NOTCH4: variants seen among roughly 807,000 people sequenced by gnomAD.
The protein encoded by NOTCH4 is notch receptor 4.
A neutral mutation model predicts 189.0 loss-of-function variants in NOTCH4; 138 were observed. The ratio of observed to expected loss-of-function variants is 0.73; its 90% CI spans 0.64 to 0.84. NOTCH4 has a LOEUF of 0.84. Ranked by LOEUF, NOTCH4 falls within the 40% of genes least tolerant of loss-of-function variation. The pLI is 0.00. For missense variants in NOTCH4, 2,286 were observed against 2,605.4 expected (o/e 0.88, Z 2.67); for synonymous variants, 942 against 1,032.8 (o/e 0.91, Z 1.69).
chr6:32,221,035 T>C lies in NOTCH4; in HGVS notation c.742A>G (p.Thr248Ala), dbSNP rs754400614. 8.7e-6 allele frequency: 14 copies of C among 1,610,148 alleles called. No homozygotes were observed. In the Admixed American group the frequency reaches 2.3e-4, roughly 27 times the overall value. Reference sequence around the variant, plus strand: ...TCTTTCTCTGGCATCAGCTGGCAGGTGCCCCCATTCGAACAGCCCCTAGGA... The same window carrying C: ...TCTTTCTCTGGCATCAGCTGGCAGGCGCCCCCATTCGAACAGCCCCTAGGA... ...CPPRGCSNGG[T>A]CQLMPEKDST... Residue 248 changes from threonine (T) to alanine (A), a missense_variant, in exon 4 of 30, where the codon ACC becomes GCC. This residue lies in a region of NOTCH4 where 1,903 missense variants were observed against 2,261.9 expected (regional missense o/e 0.84). Coordinates refer to ENST00000375023, the MANE Select transcript of NOTCH4 (RefSeq NM_004557.4). This position sits in a 1 kb window ranked among gnomAD's most constrained non-coding sequence, Gnocchi z 4.3.
Position 32,202,555 on chromosome 6 carries a change from G to T in NOTCH4, c.3276C>A (p.Gly1092=). The change falls in exon 21 of 30, where the codon GGC becomes GGA. Residue 1092 remains glycine, a synonymous_variant. Transcript: ENST00000375023. This position sits in a 1 kb window ranked among gnomAD's most constrained non-coding sequence, Gnocchi z 5.7. ...PTCSHRAPSC[G]FHHCHHGGLC... is the part of the protein sequence containing the mutation. ...GGCCTCCGTGGTGGCAGTGATGGAA[G>T]CCGCAGGAAGGGGCCCTGTGGCTGC... 1 of 1,604,550 alleles carries T rather than the reference G, an allele frequency of 6.2e-7. No homozygotes were observed. The highest frequency in any genetic ancestry group is 8.5e-7 in the Non-Finnish European group (1 of 1,173,324).
chr6:32,201,287 C>G lies in NOTCH4; in HGVS notation c.3969G>C (p.Leu1323=), dbSNP rs1295325827. 6.2e-7 allele frequency: 1 copy of G among 1,613,050 alleles called. No homozygotes were observed. Among genetic ancestry groups the G allele is most frequent in the Non-Finnish European group, 8.5e-7 (1 of 1,180,020 alleles). The change falls in exon 22 of 30, where the codon CTG becomes CTC. Residue 1323 remains leucine, a synonymous_variant. Transcript: ENST00000375023. This position sits in a 1 kb window ranked among gnomAD's most constrained non-coding sequence, Gnocchi z 5.5. ...CCTTCCTTACCCAGAGTCCTACCCT[C>G]AGAGTCAGGGACAGCACCCGGGCCA... ...FALARVLSLT[L]RVGLWVRKDR...
In NOTCH4 at chr6:32,222,553, C is replaced by T. The variant is rs1789846976; in HGVS notation, c.409G>A (p.Ala137Thr). 1.3e-6 allele frequency: 2 copies of T among 1,575,552 alleles called. No homozygotes were observed. The highest frequency in any genetic ancestry group is 2.0e-5 in the Admixed American group (1 of 50,802). ...CAGGAGCACTGTGGGCGGCCCGAGGCCTGGATGTGGCAGCGGCCCCTTTTG... is the reference window on the plus strand; with the variant it reads ...CAGGAGCACTGTGGGCGGCCCGAGGTCTGGATGTGGCAGCGGCCCCTTTTG... ...CSKRGRCHIQ[A>T]SGRPQCSCMP... Residue 137 changes from alanine to threonine, a missense_variant, in exon 3 of 30, where the codon GCC (alanine) becomes ACC (threonine). By Grantham distance (58) the Ala-to-Thr change is moderately conservative. Coordinates refer to ENST00000375023, the MANE Select transcript of NOTCH4 (RefSeq NM_004557.4).
intron 18 of NOTCH4, among the ~76,000 whole-genome samples, chr6:32,209,661 C>T (rs759008863): frequency 6.6e-6 from 1 of 152,030 alleles, no homozygotes; most frequent in Non-Finnish European, 1.5e-5. Context: ...GCGGGTGGAT[C>T]ACTTTAGGTC....
chr6:32,217,814 A>G lies in NOTCH4; in HGVS notation c.1624+181T>C, dbSNP rs553131105. On this transcript the variant is annotated intron_variant, in intron 9 of 29. Coordinates refer to ENST00000375023, the MANE Select transcript of NOTCH4 (RefSeq NM_004557.4). This position sits in a 1 kb window ranked among gnomAD's most constrained non-coding sequence, Gnocchi z 4.2. ...GGTAGGACAGAGATGAGAATGGGCA[A>G]GTAAGCAAGGGAAGATTTGGGGATG... 3.3e-5 allele frequency among the ~76,000 whole-genome samples: 5 copies of G among 152,314 alleles called. No individual in the cohort carries two copies. Among genetic ancestry groups the G allele is most frequent in the African/African-American group, 1.2e-4 (5 of 41,576 alleles).
chr6:32,219,758 A>G lies in NOTCH4; in HGVS notation c.1344T>C (p.His448=), dbSNP rs1789632275. ...CAGGAGTGTTGAGGCAGGAACCGCC[A>G]TGTTCACAGGGACTTGGGCCTTGCT... ...MAQQGPSPCE[H]GGSCLNTPGS... The change falls in exon 8 of 30, where the codon CAT becomes CAC. Residue 448 remains histidine (H), a synonymous_variant. Coordinates refer to ENST00000375023, the MANE Select transcript of NOTCH4 (RefSeq NM_004557.4). The G allele has an allele frequency of 1.2e-6, 2 of 1,612,748 alleles. No homozygotes were observed. Among genetic ancestry groups the G allele is most frequent in the Non-Finnish European group, 8.5e-7 (1 of 1,179,890 alleles).
rs1427096638 is a variant in NOTCH4 at position 32,213,170 on chromosome 6, G to A, written c.2403C>T (p.Arg801=). ...CLCAMGFQGP[R]CEGKLRPSCA... is the part of the protein sequence containing the mutation. ...AGCTGGGGCGGAGCTTTCCCTCACAGCGCGGGCCCTGGAAGCCCATGGCAC... is the reference window on the plus strand; with the variant it reads ...AGCTGGGGCGGAGCTTTCCCTCACAACGCGGGCCCTGGAAGCCCATGGCAC... The change falls in exon 15 of 30, where the codon CGC becomes CGT. Residue 801 remains arginine (R), a synonymous_variant. Coordinates refer to ENST00000375023, the MANE Select transcript of NOTCH4 (RefSeq NM_004557.4). The A allele has an allele frequency of 3.1e-5, 50 of 1,613,884 alleles. No individual in the cohort carries two copies. The highest frequency in any genetic ancestry group is 4.0e-5 in the African/African-American group (3 of 74,898).
chr6:32,213,299 G>A, intron 14 of NOTCH4, 47 bp from the exon 15 acceptor site: 1 of 1,342,930 alleles, frequency 7.4e-7, no homozygotes, highest in Non-Finnish European at 1.1e-6. Flanking sequence ...CCTGTAACCT[G>A]GCCTGTGACC....
chr6:32,201,236 G>C lies in NOTCH4; in HGVS notation c.4020C>G (p.Tyr1340Ter). Reference sequence around the variant, plus strand: ...CTTCAGCCCGGGCCCCAGGATAGGGGTACACCATGTCCCTGCCATCACGAT... The same window carrying C: ...CTTCAGCCCGGGCCCCAGGATAGGGCTACACCATGTCCCTGCCATCACGAT... ...RKDRDGRDMVYPYPGARAEEK... is the reference protein window; with the variant it reads ...RKDRDGRDMV Residue 1340 changes from tyrosine to a stop codon, truncating the protein, a stop_gained, in exon 22 of 30, where the codon TAC (tyrosine) becomes TAG (stop). Transcript: ENST00000375023. LOFTEE classifies it high-confidence loss of function. This position sits in a 1 kb window ranked among gnomAD's most constrained non-coding sequence, Gnocchi z 5.5. 6.2e-7 allele frequency: 1 copy of C among 1,612,994 alleles called. No individual in the cohort carries two copies. The highest frequency in any genetic ancestry group is 1.7e-5 in the Admixed American group (1 of 60,010).
In NOTCH4 at chr6:32,204,169, G is replaced by A. The variant is rs1427973750; in HGVS notation, c.3086C>T (p.Ala1029Val). The A allele has an allele frequency of 1.9e-6, 3 of 1,612,858 alleles. No individual in the cohort carries two copies. The highest frequency in any genetic ancestry group is 2.5e-6 in the Non-Finnish European group (3 of 1,180,008). Residue 1029 changes from alanine (A) to valine (V), a missense_variant, in exon 19 of 30, where the codon GCC (alanine) becomes GTC (valine). Transcript: ENST00000375023. The part of the protein sequence containing the change: ...GTAACHSLAN[A>V]FYCQCLPGHT... ...TCCAGGCAGACACTGGCAGTAGAAG[G>A]CATTGGCCAGAGAGTGGCAGGCTGC...
At position 32,202,300 on chromosome 6, in the gene NOTCH4, C is replaced by A. The variant is rs773215513; in HGVS notation, c.3531G>T (p.Gly1177=). ...GPRCQKPGAK[G]CEGRSGDGAC... is the part of the protein sequence containing the mutation. ...CCCCATCTCCACTTCTGCCCTCACACCCCTTGGCTCCGGGTTTCTGACACC... is the reference window on the plus strand; with the variant it reads ...CCCCATCTCCACTTCTGCCCTCACAACCCTTGGCTCCGGGTTTCTGACACC... The change falls in exon 21 of 30, where the codon GGG becomes GGT. Residue 1177 remains glycine, a synonymous_variant. Coordinates refer to ENST00000375023, the MANE Select transcript of NOTCH4 (RefSeq NM_004557.4). The surrounding 1 kb of genome is among the most constrained non-coding windows in gnomAD (Gnocchi z 5.7). 11 of 1,611,540 alleles carry A rather than the reference C, an allele frequency of 6.8e-6. No homozygotes were observed. The South Asian group carries it at 1.2e-4, about 18-fold the overall frequency.
intron 19 of NOTCH4, 41 bp from the exon 20 acceptor site, chr6:32,203,923 G>A (rs1788513474): frequency 2.0e-6 from 3 of 1,512,550 alleles, no homozygotes; most frequent in Non-Finnish European, 2.7e-6. Context: ...CACTGCATCA[G>A]TCACTGCCTC....
chr6:32,209,775 C>T (rs918623704), intron 18 of NOTCH4, among the ~76,000 whole-genome samples: 10 of 151,246 alleles, frequency 6.6e-5, no homozygotes, highest in Admixed American at 5.3e-4. Flanking sequence ...CCCAGCTACT[C>T]GGGAGGCTGA....
Position 32,202,681 on chromosome 6 carries a change from C to T in NOTCH4, c.3232-82G>A, listed in dbSNP as rs1013768885. 155 of 1,332,590 alleles carry T rather than the reference C, an allele frequency of 1.2e-4. No homozygotes were observed. Among genetic ancestry groups the T allele is most frequent in the Admixed American group, 2.0e-4 (7 of 35,194 alleles). The allele number at this position is 1,332,590 out of a possible 1,614,324, so 82.5% of individuals were successfully genotyped here. On this transcript the variant is annotated intron_variant, in intron 20 of 29. Transcript: ENST00000375023. The surrounding 1 kb of genome is among the most constrained non-coding windows in gnomAD (Gnocchi z 5.7). ...CATCAAGCAAACTCTTGGGTTAAGA[C>T]GGTGCAGAGGGTCCTAGATTCTCAT...
chr6:32,202,734 A>G lies in NOTCH4; in HGVS notation c.3232-135T>C. The G allele has an allele frequency of 1.4e-6, 1 of 725,028 alleles. No homozygotes were observed. The highest frequency in any genetic ancestry group is 2.2e-6 in the Non-Finnish European group (1 of 461,416). 44.9% of individuals were successfully genotyped at this position (725,028 alleles called of 1,614,324 possible). On this transcript the variant is annotated intron_variant, in intron 20 of 29. Transcript: ENST00000375023. This position sits in a 1 kb window ranked among gnomAD's most constrained non-coding sequence, Gnocchi z 5.7. ...CTAAAAGGCGCCTCAGAGAGCATCA[A>G]GTTAATCATTTTGTGGATGTTGAAA...
rs1376355214 is a variant in NOTCH4 at position 32,198,211 on chromosome 6, T to G, written c.4756+210A>C. Among the ~76,000 whole-genome samples the G allele has an allele frequency of 6.6e-6, 1 of 152,224 alleles. No individual in the cohort carries two copies. ...CTAACATTTTAAATTCCTGAGTCAGTAGCTCTGTAGTGGAGCCCAATAATT... is the reference window on the plus strand; with the variant it reads ...CTAACATTTTAAATTCCTGAGTCAGGAGCTCTGTAGTGGAGCCCAATAATT... On this transcript the variant is annotated intron_variant, in intron 26 of 29. Coordinates refer to ENST00000375023, the MANE Select transcript of NOTCH4 (RefSeq NM_004557.4). This position sits in a 1 kb window ranked among gnomAD's most constrained non-coding sequence, Gnocchi z 5.5.
At chr6:32,219,207 T>C (rs1789596694) in intron 8 of NOTCH4, among the ~76,000 whole-genome samples, 1 of 152,166 alleles carries the variant, frequency 6.6e-6, no homozygotes, top group Admixed American at 6.5e-5. Flanking sequence ...AATCTCTACA[T>C]GGGAGAGTTT....
At position 32,204,178 on chromosome 6, in the gene NOTCH4, A is replaced by G. The variant is rs1788530923; in HGVS notation, c.3077T>C (p.Leu1026Pro). ...ACACTGGCAGTAGAAGGCATTGGCC[A>G]GAGAGTGGCAGGCTGCAGTGCCTGT... Reference protein sequence around the residue: ...HPTGTAACHSLANAFYCQCLP... With the variant: ...HPTGTAACHSPANAFYCQCLP... Residue 1026 changes from leucine (L) to proline (P), a missense_variant, in exon 19 of 30, where the codon CTG becomes CCG. By Grantham distance (98) the Leu-to-Pro change is moderately conservative (BLOSUM62 -3). Around this residue, in one of 2 missense-constraint regions of NOTCH4, gnomAD observed 1,903 missense variants for 2,261.9 expected, o/e 0.84. Coordinates refer to ENST00000375023, the MANE Select transcript of NOTCH4 (RefSeq NM_004557.4). 6.2e-7 allele frequency: 1 copy of G among 1,612,860 alleles called. No homozygotes were observed. The highest frequency in any genetic ancestry group is 8.5e-7 in the Non-Finnish European group (1 of 1,179,994).
Position 32,218,144 on chromosome 6 carries a change from C to T in NOTCH4, c.1511-36G>A, listed in dbSNP as rs558505129. The T allele has an allele frequency of 1.4e-4, 189 of 1,384,952 alleles. No homozygotes were observed. The African/African-American group carries it at 2.5e-3, about 18-fold the overall frequency. 85.8% of individuals were successfully genotyped at this position (1,384,952 alleles called of 1,614,324 possible). A position where few individuals can be genotyped will look rare whatever the true frequency, so the allele number is the denominator to read the frequency against. ...GGGGACCATGAGGGCTGTGGCTCAG[C>T]CAGGTCTGCCTGGGAGACCTGTGTT... On this transcript the variant is annotated intron_variant, in intron 8 of 29. Transcript: ENST00000375023.
Sources: allele counts gnomAD v4.1 joint callset (sites outside exome capture counted in the v4.1 genomes callset), GRCh38; gene constraint gnomAD v4.1.1; regional missense constraint gnomAD v4.1.1; non-coding constraint Gnocchi (gnomAD v3.1); transcripts MANE v1.5; gene names NCBI Gene and HGNC (gene_info 2026-07-23, HGNC 2026-07-21).